The following TOP2B variants were observed in gnomAD, a reference collection of about 807,000 sequenced individuals.
TOP2B encodes DNA topoisomerase 2-beta.
Under a neutral mutation model 193.5 loss-of-function variants are expected in TOP2B, and 51 were observed. The observed-to-expected ratio is 0.26, with a 90% CI of 0.21 to 0.33. TOP2B has a LOEUF of 0.33. Ranked by LOEUF, TOP2B falls within the 10% of genes least tolerant of loss-of-function variation. The probability of loss-of-function intolerance (pLI) is 1.00; values close to 1 mark genes in which losing one functional copy is unlikely to be tolerated. For synonymous variants in TOP2B, 634 were observed against 635.7 expected, an observed-to-expected ratio of 1.00 and a Z score of 0.04; for missense variants, 1,378 against 1,909.3, an observed-to-expected ratio of 0.72 and a Z score of 5.19.
intron 34 of TOP2B, 51 bp downstream of exon 34, chr3:25,601,049 A>G (rs1393168066): frequency 3.8e-6 from 6 of 1,569,504 alleles, no homozygotes; most frequent in Non-Finnish European, 5.2e-6. Flanking sequence ...AAAAAATTCA[A>G]TCTTTTCCAC....
At chr3:25,646,838 T>A (rs1236790212) in intron 1 of TOP2B, among the ~76,000 whole-genome samples, 17 of 152,182 alleles carry the variant, frequency 1.1e-4, no homozygotes. Flanking sequence ...GAATTTAATA[T>A]ATCCTCAGGA....
intron 35 of TOP2B, 93 bp downstream of exon 35, chr3:25,599,342 C>T: frequency 8.9e-7 from 1 of 1,123,792 alleles, no homozygotes; most frequent in South Asian, 1.6e-5. Flanking sequence ...AGGTGGAAAG[C>T]TGTTCCAGGA....
At position 25,601,153 on chromosome 3, in the gene TOP2B, T is replaced by C. The variant is rs1237041601; in HGVS notation, c.4562A>G (p.Asn1521Ser). 4 of 1,613,654 alleles carry C rather than the reference T, an allele frequency of 2.5e-6. No homozygotes were observed. The East Asian group carries it at 6.7e-5, about 27-fold the overall frequency. The change falls in exon 34 of 36, where the codon AAC (asparagine) becomes AGC (serine). Residue 1521 changes from asparagine to serine, a missense_variant. Asn to Ser is a conservative substitution (Grantham distance 46). Around this residue, in one of 9 missense-constraint regions of TOP2B, gnomAD observed 556 missense variants for 584.2 expected, o/e 0.95. Coordinates refer to ENST00000264331, the MANE Select transcript of TOP2B (RefSeq NM_001330700.2). ...GCCAAATTCTGAATCCGAGTCAGAG[T>C]TTACAGCCTCTACTACTTTCTTCTG... The part of the protein sequence containing the change: ...PKQKKVVEAV[N>S]SDSDSEFGIP...
At position 25,628,079 on chromosome 3, in the gene TOP2B, C is replaced by T. The variant is rs533671778; in HGVS notation, c.1906+768G>A. The stretch of plus-strand genomic sequence containing the variant: ...AAAAATAAAAACAATTAAAAAAAAA[C>T]GAAATAAAAATAAAAATAAAAAACT... On this transcript the variant is annotated intron_variant, in intron 15 of 35. Transcript: ENST00000264331. Among the ~76,000 whole-genome samples the T allele has an allele frequency of 1.2e-3, 147 of 125,166 alleles. 1 individual carries two copies. The highest frequency in any genetic ancestry group is 4.1e-3 in the African/African-American group (137 of 33,506). The allele number at this position is 125,166 out of a possible 152,430, so 82.1% of individuals were successfully genotyped here.
chr3:25,616,323 A>G (rs956053607), intron 25 of TOP2B, among the ~76,000 whole-genome samples: 11 of 151,950 alleles, frequency 7.2e-5, no homozygotes, highest in African/African-American at 2.6e-4. Flanking sequence ...GCCATTAAAT[A>G]AAATTTTATC....
At chr3:25,600,092 A>T (rs1702051005) in intron 34 of TOP2B, among the ~76,000 whole-genome samples, 1 of 152,190 alleles carries the variant, frequency 6.6e-6, no homozygotes, top group Admixed American at 6.5e-5. Flanking sequence ...TAACTATAAA[A>T]TGTCAAATAC....
chr3:25,626,531 A>T (rs1004024130), intron 18 of TOP2B, 29 bp downstream of exon 18: 6 of 1,237,842 alleles, frequency 4.8e-6, no homozygotes, highest in Admixed American at 5.9e-5. Flanking sequence ...AAATAACATT[A>T]AAAAATGAGG....
intron 1 of TOP2B, among the ~76,000 whole-genome samples, chr3:25,663,862 T>A (rs1448501018): frequency 6.6e-6 from 1 of 152,152 alleles, no homozygotes; most frequent in Non-Finnish European, 1.5e-5. Flanking sequence ...GAGAAAATGC[T>A]GCCCCACACA....
chr3:25,610,816 G>A (rs144992813), intron 28 of TOP2B, among the ~76,000 whole-genome samples: 1 of 152,256 alleles, frequency 6.6e-6, no homozygotes, highest in East Asian at 1.9e-4. Flanking sequence ...TAGAAACAGA[G>A]AGTTAAGAGG....
At chr3:25,643,825 C>T (rs1431976694) in intron 2 of TOP2B, 41 bp from the exon 3 acceptor site, 5 of 1,431,140 alleles carry the variant, frequency 3.5e-6, no homozygotes, top group Non-Finnish European at 4.9e-6. Context: ...TCAATAAATC[C>T]TTAATATCAA....
chr3:25,663,257 G>T (rs1703970760), intron 1 of TOP2B, among the ~76,000 whole-genome samples: 1 of 152,106 alleles, frequency 6.6e-6, no homozygotes, highest in African/African-American at 2.4e-5. Flanking sequence ...AACGAACTAA[G>T]TAACAAAAAT....
chr3:25,606,182 G>A, intron 31 of TOP2B, 60 bp from the exon 32 acceptor site: 2 of 776,402 alleles, frequency 2.6e-6, no homozygotes, highest in Non-Finnish European at 3.9e-6. Context: ...TTTCAATCCT[G>A]ATAAATTATA....
At chr3:25,649,405 C>A (rs887370988) in intron 1 of TOP2B, among the ~76,000 whole-genome samples, 1 of 151,804 alleles carries the variant, frequency 6.6e-6, no homozygotes, top group African/African-American at 2.4e-5. Flanking sequence ...TCAAAGAACT[C>A]CAAGGATAAA....
intron 7 of TOP2B, among the ~76,000 whole-genome samples, chr3:25,634,320 G>A (rs1258823647): frequency 6.6e-6 from 1 of 152,062 alleles, no homozygotes; most frequent in East Asian, 1.9e-4. Flanking sequence ...GACAGATAAT[G>A]AACTAGCAGG....
intron 4 of TOP2B, among the ~76,000 whole-genome samples, chr3:25,639,759 T>G (rs1392279564): frequency 6.6e-6 from 1 of 152,240 alleles, no homozygotes; most frequent in Non-Finnish European, 1.5e-5. Context: ...ATGGCATCCC[T>G]TGTATTTAAT....
rs1174211425 is a variant in TOP2B, at chr3:25,612,530, C to G, written c.3771G>C (p.Leu1257Phe). 2 of 1,608,056 alleles carry G rather than the reference C, an allele frequency of 1.2e-6. No homozygotes were observed. The highest frequency in any genetic ancestry group is 1.7e-6 in the Non-Finnish European group (2 of 1,177,342). Residue 1257 changes from leucine to phenylalanine, a missense_variant, in exon 28 of 36, where the codon TTG becomes TTC. Physicochemically the swap from Leu to Phe is conservative, Grantham distance 22. Around this residue, in one of 9 missense-constraint regions of TOP2B, gnomAD observed 556 missense variants for 584.2 expected, o/e 0.95. Coordinates refer to ENST00000264331, the MANE Select transcript of TOP2B (RefSeq NM_001330700.2). Reference sequence around the variant, plus strand: ...TATGTCATACCTTCTTCTTCTTCAGCAACTTTTTGCTGGCATCTGCCTTCA... The same window carrying G: ...TATGTCATACCTTCTTCTTCTTCAGGAACTTTTTGCTGGCATCTGCCTTCA... ...TAMKADASKK[L>F]LKKKKGDLDT...
chr3:25,639,591 C>G (rs1703202649), intron 4 of TOP2B, among the ~76,000 whole-genome samples: 1 of 152,236 alleles, frequency 6.6e-6, no homozygotes, highest in African/African-American at 2.4e-5. Context: ...CAGGCGTGAG[C>G]CACCGCGCCC....
In TOP2B at chr3:25,630,035, G is replaced by A. The variant is rs774675850; in HGVS notation, c.1683C>T (p.Thr561=). Residue 561 remains threonine (T), a synonymous_variant, in exon 13 of 36, where the codon ACC becomes ACT. Transcript: ENST00000264331. ...TLRYGKIMIM[T]DQDQDGSHIK... ...TGGTAACTTTAAAACCAACCTGATCGGTCATAATCATAATCTTTCCATAGC... is the reference window on the plus strand; with the variant it reads ...TGGTAACTTTAAAACCAACCTGATCAGTCATAATCATAATCTTTCCATAGC... 4.3e-5 allele frequency: 69 copies of A among 1,594,848 alleles called. No individual in the cohort carries two copies. Among genetic ancestry groups the A allele is most frequent in the African/African-American group, 2.8e-4 (21 of 73,982 alleles).
At chr3:25,636,953 A>G (rs890109035) in intron 6 of TOP2B, among the ~76,000 whole-genome samples, 1 of 152,034 alleles carries the variant, frequency 6.6e-6, no homozygotes, top group Non-Finnish European at 1.5e-5. Flanking sequence ...GGTTCAGGAC[A>G]TTTTCACTAA....
Sources: gnomAD v4.1 joint callset for allele counts (sites outside exome capture counted in the v4.1 genomes callset) on GRCh38, gnomAD v4.1.1 for gene constraint, gnomAD v4.1.1 regional missense constraint, MANE v1.5 for transcripts, NCBI Gene and HGNC (gene_info 2026-07-23, HGNC 2026-07-21) for gene names.